Variants in ERBIN observed in about 807,000 individuals in gnomAD.
ERBIN encodes densin-180-like protein.
Under a neutral mutation model 158.4 loss-of-function variants are expected in ERBIN, and 60 were observed. The observed-to-expected ratio is 0.38, with a 90% CI of 0.31 to 0.47. ERBIN has a LOEUF of 0.47. ERBIN is among the 20% of genes least tolerant of loss of function. The pLI is 0.99. For missense variants in ERBIN, 1,610 were observed against 1,648.0 expected (o/e 0.98, Z 0.40); for synonymous variants, 594 against 557.2 (o/e 1.07, Z -0.93).
intron 21 of ERBIN, among the ~76,000 whole-genome samples, chr5:66,057,035 C>T (rs1457850591): frequency 1.3e-5 from 2 of 152,114 alleles, no homozygotes; most frequent in African/African-American, 2.4e-5. Flanking sequence ...ACCTAACATA[C>T]GTGAAACTTT....
At chr5:66,049,771 C>T (rs556666052) in intron 19 of ERBIN, among the ~76,000 whole-genome samples, 13 of 151,846 alleles carry the variant, frequency 8.6e-5, no homozygotes, top group Non-Finnish European at 1.3e-4. Context: ...TGTGATTTGG[C>T]TAGAATTCAG....
At chr5:65,961,590 G>T (rs1000486703) in intron 1 of ERBIN, among the ~76,000 whole-genome samples, 22 of 152,274 alleles carry the variant, frequency 1.4e-4, no homozygotes, top group African/African-American at 5.1e-4. Context: ...TTAGCTAGCA[G>T]TTAAAGTTAG....
At chr5:65,939,238 A>C (rs2041749110) in intron 1 of ERBIN, among the ~76,000 whole-genome samples, 1 of 152,132 alleles carries the variant, frequency 6.6e-6, no homozygotes, top group Non-Finnish European at 1.5e-5. Flanking sequence ...GGAGGTGGAG[A>C]CCAGCCTGAC....
At chr5:66,068,440 C>A (rs1761221633) in intron 21 of ERBIN, among the ~76,000 whole-genome samples, 1 of 152,058 alleles carries the variant, frequency 6.6e-6, no homozygotes, top group African/African-American at 2.4e-5. Context: ...GAAGTAGATT[C>A]TCTAAAAATT....
intron 1 of ERBIN, among the ~76,000 whole-genome samples, chr5:65,945,392 T>C (rs1278188623): frequency 6.6e-6 from 1 of 152,234 alleles, no homozygotes; most frequent in East Asian, 1.9e-4. Flanking sequence ...GTCATTTAAA[T>C]GTTGATCACA....
intron 4 of ERBIN, among the ~76,000 whole-genome samples, chr5:66,008,895 G>T (rs1387815074): frequency 6.6e-6 from 1 of 152,128 alleles, no homozygotes; most frequent in Admixed American, 6.5e-5. Context: ...ATCATTACTT[G>T]AAAATCAGTG....
chr5:65,955,808 A>C (rs1015107971), intron 1 of ERBIN, among the ~76,000 whole-genome samples: 4 of 152,242 alleles, frequency 2.6e-5, no homozygotes, highest in Admixed American at 6.5e-5. Flanking sequence ...AGTCAACTAC[A>C]GTCCAAAAAT....
chr5:66,050,683 A>G (rs1241152141), intron 19 of ERBIN, 100 bp from the exon 20 acceptor site: 3 of 647,382 alleles, frequency 4.6e-6, no homozygotes, highest in African/African-American at 1.9e-5. Flanking sequence ...TACCTCATAT[A>G]TAGAACCAGG....
intron 1 of ERBIN, among the ~76,000 whole-genome samples, chr5:65,965,382 G>GTTTTTTTTTTTTTTTTTTTTTT (rs200847060): frequency 7.3e-5 from 7 of 96,058 alleles, no homozygotes; most frequent in Admixed American, 2.4e-4. Context: ...GTTTTTTGTT[G>GTTTTTTTTTTTTTTTTTTTTTT]TTTTTTTTTT....
chr5:66,038,499 C>G lies in ERBIN; in HGVS notation c.1306+17C>G, dbSNP rs747848043. The G allele has an allele frequency of 7.1e-6, 11 of 1,549,384 alleles. No individual in the cohort carries two copies. Among genetic ancestry groups the G allele is most frequent in the Non-Finnish European group, 9.7e-6 (11 of 1,132,672 alleles). The stretch of plus-strand genomic sequence containing the variant: ...CTGAGGATGGTAGGAATTTCATAAT[C>G]GATTTTCTTGTTAAAAACAAATACT... On this transcript the variant is annotated intron_variant, in intron 15 of 25. Coordinates refer to ENST00000284037, the MANE Select transcript of ERBIN (RefSeq NM_001253697.2).
chr5:66,071,555 A>G (rs1761531921), intron 21 of ERBIN, among the ~76,000 whole-genome samples: 2 of 152,114 alleles, frequency 1.3e-5, no homozygotes, highest in South Asian at 4.1e-4. Flanking sequence ...AACTCATATC[A>G]ATGTGGCAGA....
chr5:65,997,792 C>T (rs1281822475), intron 4 of ERBIN, among the ~76,000 whole-genome samples: 1 of 152,126 alleles, frequency 6.6e-6, no homozygotes, highest in African/African-American at 2.4e-5. Context: ...ATATGAGTAT[C>T]CAGAAGTAAT....
At chr5:65,947,404 A>G (rs1745905714) in intron 1 of ERBIN, among the ~76,000 whole-genome samples, 2 of 151,968 alleles carry the variant, frequency 1.3e-5, no homozygotes. Context: ...TAATTTTTGT[A>G]TTTTCAGTAG....
Position 66,027,142 on chromosome 5 carries a change from A to G in ERBIN, c.1136+725A>G, listed in dbSNP as rs563883641. On this transcript the variant is annotated intron_variant, in intron 13 of 25. Transcript: ENST00000284037. Reference sequence around the variant, plus strand: ...CTTGTGAAGTCTTCAAAACAGCTCTATGAAATAGTATAATAGTATTCCCAT... The same window carrying G: ...CTTGTGAAGTCTTCAAAACAGCTCTGTGAAATAGTATAATAGTATTCCCAT... Among the ~76,000 whole-genome samples the G allele has an allele frequency of 5.9e-5, 9 of 152,164 alleles. No homozygotes were observed. The South Asian group carries it at 1.4e-3, about 25-fold the overall frequency.
Position 66,012,038 on chromosome 5 carries a change from T to C in ERBIN, c.308-11T>C, listed in dbSNP as rs1280762729. 1 of 1,541,832 alleles carries C rather than the reference T, an allele frequency of 6.5e-7. No individual in the cohort carries two copies. The highest frequency in any genetic ancestry group is 1.4e-5 in the African/African-American group (1 of 72,464). Reference sequence around the variant, plus strand: ...ATAGATCTTTTAATTTGATCGTTGTTTGTTTTCTAGGAATACAGGAGTTTC... The same window carrying C: ...ATAGATCTTTTAATTTGATCGTTGTCTGTTTTCTAGGAATACAGGAGTTTC... On this transcript the variant is annotated splice_polypyrimidine_tract_variant and intron_variant, in intron 4 of 25. Coordinates refer to ENST00000284037, the MANE Select transcript of ERBIN (RefSeq NM_001253697.2).
At chr5:66,006,554 A>C (rs939733807) in intron 4 of ERBIN, among the ~76,000 whole-genome samples, 6 of 152,288 alleles carry the variant, frequency 3.9e-5, no homozygotes, top group Admixed American at 6.5e-5. Context: ...GGATCTAATT[A>C]AACTAAAGAG....
intron 1 of ERBIN, among the ~76,000 whole-genome samples, chr5:65,984,127 C>T (rs548747176): frequency 2.1e-5 from 3 of 141,936 alleles, no homozygotes; most frequent in Admixed American, 6.7e-5. Flanking sequence ...AACATATTGG[C>T]CGGCAAGGAA....
intron 21 of ERBIN, among the ~76,000 whole-genome samples, chr5:66,058,860 A>C (rs1477769534): frequency 6.6e-6 from 1 of 151,882 alleles, no homozygotes; most frequent in African/African-American, 2.4e-5. Context: ...ATGCGGCATT[A>C]TTTCTGAGGG....
At chr5:66,043,328 G>A in intron 16 of ERBIN, 130 bp downstream of exon 16, 1 of 858,486 alleles carries the variant, frequency 1.2e-6, no homozygotes, top group Non-Finnish European at 1.7e-6. Context: ...GGCACTTGAA[G>A]TGTTATTGAT....
Sources: gnomAD v4.1 joint callset for allele counts (sites outside exome capture counted in the v4.1 genomes callset) on GRCh38, gnomAD v4.1.1 for gene constraint, MANE v1.5 for transcripts, NCBI Gene and HGNC (gene_info 2026-07-23, HGNC 2026-07-21) for gene names.